Variants in NYAP2 observed in about 807,000 individuals in gnomAD.
The protein encoded by NYAP2 is neuronal tyrosine-phosphorylated phosphoinositide-3-kinase adaptor 2.
A neutral mutation model predicts 50.4 loss-of-function variants in NYAP2; 23 were observed. The observed-to-expected ratio is 0.46, with a 90% CI of 0.33 to 0.65. NYAP2 has a LOEUF of 0.65. Among genes scored for constraint, NYAP2 ranks in the 30% least tolerant of loss-of-function variants. NYAP2 has a pLI of 0.02. For synonymous variants in NYAP2, 394 were observed against 365.2 expected (o/e 1.08, Z -0.90); for missense variants, 885 against 861.0 (o/e 1.03, Z -0.35).
intron 6 of NYAP2, among the ~76,000 whole-genome samples, chr2:225,635,408 T>G (rs1693396249): frequency 6.6e-6 from 1 of 152,174 alleles, no homozygotes; most frequent in African/African-American, 2.4e-5. Flanking sequence ...AATCTCACTG[T>G]GTAGGTTATG....
chr2:225,435,770 A>T (rs560330984), intron 3 of NYAP2, among the ~76,000 whole-genome samples: 2 of 152,342 alleles, frequency 1.3e-5, no homozygotes, highest in South Asian at 4.1e-4. Context: ...AAACACAAGC[A>T]TCCACATGCA....
At chr2:225,569,438 A>AG (rs142034293) in intron 4 of NYAP2, among the ~76,000 whole-genome samples, 1 of 151,906 alleles carries the variant, frequency 6.6e-6, no homozygotes, top group African/African-American at 2.4e-5. Flanking sequence ...AGGAGGAGTG[A>AG]GGGGGGGAGG....
At chr2:225,641,896 G>A (rs549233995) in intron 6 of NYAP2, among the ~76,000 whole-genome samples, 76 of 151,870 alleles carry the variant, frequency 5.0e-4, no homozygotes, top group Non-Finnish European at 9.4e-4. Flanking sequence ...GTGAACAGAT[G>A]GAGAAACATG....
At chr2:225,507,970 C>G (rs1690740717) in intron 3 of NYAP2, among the ~76,000 whole-genome samples, 1 of 152,178 alleles carries the variant, frequency 6.6e-6, no homozygotes, top group Non-Finnish European at 1.5e-5. Context: ...GGCCTGTCTA[C>G]TAGCCAATAA....
chr2:225,552,851 C>A (rs1487964327), intron 4 of NYAP2, among the ~76,000 whole-genome samples: 1 of 152,132 alleles, frequency 6.6e-6, no homozygotes, highest in Non-Finnish European at 1.5e-5. Flanking sequence ...CCACACCTGA[C>A]TAATTTTTGT....
intron 4 of NYAP2, among the ~76,000 whole-genome samples, chr2:225,525,111 G>T (rs927939339): frequency 5.3e-5 from 8 of 152,100 alleles, no homozygotes; most frequent in Non-Finnish European, 1.0e-4. Context: ...CAAAGAAAAG[G>T]GAACATTATA....
chr2:225,470,782 G>A (rs1423006805), intron 3 of NYAP2, among the ~76,000 whole-genome samples: 2 of 151,306 alleles, frequency 1.3e-5, no homozygotes, highest in African/African-American at 4.9e-5. Context: ...TACATATACA[G>A]ATCTTACATG....
At chr2:225,628,788 G>A (rs532394217) in intron 6 of NYAP2, among the ~76,000 whole-genome samples, 1 of 152,170 alleles carries the variant, frequency 6.6e-6, no homozygotes, top group African/African-American at 2.4e-5. Flanking sequence ...TACTTCTATT[G>A]TGGCTAGATA....
intron 4 of NYAP2, among the ~76,000 whole-genome samples, chr2:225,578,175 C>T (rs1057200156): frequency 6.6e-6 from 1 of 152,032 alleles, no homozygotes; most frequent in African/African-American, 2.4e-5. Context: ...TCAAGTAATC[C>T]ACCTGCCTCC....
intron 3 of NYAP2, among the ~76,000 whole-genome samples, chr2:225,454,138 A>G (rs1265070319): frequency 1.3e-5 from 2 of 152,016 alleles, no homozygotes; most frequent in African/African-American, 4.8e-5. Flanking sequence ...AGCCTGGACA[A>G]CATAGCGAGA....
chr2:225,638,835 TG>T (rs2106264615), intron 6 of NYAP2, among the ~76,000 whole-genome samples: 1 of 152,280 alleles, frequency 6.6e-6, no homozygotes, highest in South Asian at 2.1e-4. Flanking sequence ...GAGCAGGCAT[TG>T]TGGGGACCAA....
intron 3 of NYAP2, among the ~76,000 whole-genome samples, chr2:225,505,660 A>G (rs1262326538): frequency 3.9e-5 from 6 of 152,216 alleles, no homozygotes; most frequent in African/African-American, 1.4e-4. Flanking sequence ...AAGTCAGCCA[A>G]TAACTCTTAT....
At chr2:225,486,811 A>G (rs1239408716) in intron 3 of NYAP2, among the ~76,000 whole-genome samples, 2 of 152,124 alleles carry the variant, frequency 1.3e-5, no homozygotes, top group East Asian at 3.9e-4. Context: ...CCCCTTTGGG[A>G]AAATTATCAG....
chr2:225,599,816 T>C (rs1692665607), intron 5 of NYAP2, among the ~76,000 whole-genome samples: 1 of 152,220 alleles, frequency 6.6e-6, no homozygotes, highest in Non-Finnish European at 1.5e-5. Flanking sequence ...TCATAGTCAT[T>C]TACACCAACC....
At chr2:225,439,398 G>A (rs1689434977) in intron 3 of NYAP2, among the ~76,000 whole-genome samples, 1 of 152,210 alleles carries the variant, frequency 6.6e-6, no homozygotes, top group South Asian at 2.1e-4. Flanking sequence ...AAGTCACTGA[G>A]AGTCCTGAAA....
the NYAP2 span, among the ~76,000 whole-genome samples, chr2:225,675,139 A>T: frequency 6.6e-6 from 1 of 152,130 alleles, no homozygotes; most frequent in African/African-American, 2.4e-5. Context: ...CGAACTTTTT[A>T]AAAATTTCAA....
intron 4 of NYAP2, among the ~76,000 whole-genome samples, chr2:225,527,068 G>A (rs1691164985): frequency 6.6e-6 from 1 of 152,096 alleles, no homozygotes; most frequent in South Asian, 2.1e-4. Flanking sequence ...TCTTTCTCTC[G>A]GTTCTTGCCA....
chr2:225,642,387 C>A (rs1453655068), intron 6 of NYAP2, among the ~76,000 whole-genome samples: 1 of 152,112 alleles, frequency 6.6e-6, no homozygotes, highest in Admixed American at 6.6e-5. Context: ...ATGGAAAAAT[C>A]TTAACATGTA....
chr2:225,464,887 C>T (rs1252325821), intron 3 of NYAP2, among the ~76,000 whole-genome samples: 2 of 152,088 alleles, frequency 1.3e-5, no homozygotes, highest in South Asian at 2.1e-4. Context: ...AATGCGTGTT[C>T]GTTTTCCTCT....
Sources: gnomAD v4.1 joint callset for allele counts (sites outside exome capture counted in the v4.1 genomes callset) on GRCh38, gnomAD v4.1.1 for gene constraint, MANE v1.5 for transcripts, NCBI Gene and HGNC (gene_info 2026-07-23, HGNC 2026-07-21) for gene names.